The following TBC1D25 variants were observed in gnomAD, a reference collection of about 807,000 sequenced individuals.
TBC1D25 encodes the protein TBC1 domain family member 25.
A neutral mutation model predicts 38.8 loss-of-function variants in TBC1D25; 13 were observed. The observed-to-expected ratio is 0.34, with a 90% CI of 0.22 to 0.53. The LOEUF (loss-of-function observed/expected upper bound fraction) is 0.53. Ranked by LOEUF, TBC1D25 falls within the 20% of genes least tolerant of loss-of-function variation. The probability of loss-of-function intolerance (pLI) is 0.94; values close to 1 mark genes in which losing one functional copy is unlikely to be tolerated. For missense variants in TBC1D25, 372 were observed against 600.0 expected (o/e 0.62, Z 3.97); for synonymous variants, 225 against 255.6 (o/e 0.88, Z 1.14).
Position 48,539,755 on chromosome X carries a change from G to C in TBC1D25, c.-43G>C, listed in dbSNP as rs1293001107. ...GTACAGTAGAGTGTGCGCCGGGGTG[G>C]GGGGCAACGGTCAGCCGTCACCCTG... On this transcript the variant is annotated 5_prime_UTR_variant, in exon 1 of 6. Coordinates refer to ENST00000376771, the MANE Select transcript of TBC1D25 (RefSeq NM_002536.4). The C allele has an allele frequency of 8.5e-6, 8 of 945,019 alleles. No homozygotes were observed. Among genetic ancestry groups the C allele is most frequent in the Non-Finnish European group, 1.1e-5 (8 of 759,105 alleles). The allele number at this position is 945,019 out of a possible 1,213,427, so 77.9% of individuals were successfully genotyped here.
intron 2 of TBC1D25, among the ~76,000 whole-genome samples, chrX:48,542,593 T>G (rs1341552902): frequency 1.9e-5 from 2 of 107,328 alleles, no homozygotes; most frequent in East Asian, 5.8e-4. Flanking sequence ...GTTCAAGTGA[T>G]TCTCATGCCT....
intron 1 of TBC1D25, among the ~76,000 whole-genome samples, chrX:48,541,031 T>C (rs1235560664): frequency 1.3e-4 from 15 of 111,921 alleles, no homozygotes; most frequent in African/African-American, 4.2e-4. Context: ...ATTGAAGAGA[T>C]TGAAGCAGGG....
At chrX:48,541,147 A>G (rs1239796922) in intron 1 of TBC1D25, 186 bp from the exon 2 acceptor site, 3 of 458,440 alleles carry the variant, frequency 6.5e-6, no homozygotes, top group Non-Finnish European at 1.2e-5. Flanking sequence ...TTGAAGGGAT[A>G]TAGAAGAAGG....
In TBC1D25 at chrX:48,552,217, C is replaced by T. The variant is rs544519222; in HGVS notation, c.389-6680C>T. 6.3e-5 allele frequency among the ~76,000 whole-genome samples: 7 copies of T among 111,095 alleles called. No individual in the cohort carries two copies. The East Asian group carries it at 1.4e-3, about 23-fold the overall frequency. Reference sequence around the variant, plus strand: ...TTTTTTTCTTTTTGACACGTAGTCTCGCTCTGTCGCCCAGACTGGAGTGCA... The same window carrying T: ...TTTTTTTCTTTTTGACACGTAGTCTTGCTCTGTCGCCCAGACTGGAGTGCA... On this transcript the variant is annotated intron_variant, in intron 3 of 5. Coordinates refer to ENST00000376771, the MANE Select transcript of TBC1D25 (RefSeq NM_002536.4).
rs782662022 is a variant in TBC1D25 at position 48,560,162 on chromosome X, C to T, written c.1254C>T (p.Phe418=). 3 of 1,208,038 alleles carry T rather than the reference C, an allele frequency of 2.5e-6. No individual in the cohort carries two copies. The highest frequency in any genetic ancestry group is 3.0e-5 in the East Asian group (1 of 33,690). ...TGCTGCTGGAACTCAAGCGTGAGTT[C>T]GCCTTCGACGATGCCCTCCGCATGC... ...RWLLLELKRE[F]AFDDALRMLE... is the part of the protein sequence containing the mutation. The change falls in exon 6 of 6, where the codon TTC becomes TTT. Residue 418 remains phenylalanine (F), a synonymous_variant. Coordinates refer to ENST00000376771, the MANE Select transcript of TBC1D25 (RefSeq NM_002536.4).
rs782080177 is a variant in TBC1D25, at chrX:48,544,918, G to A, written c.283G>A (p.Glu95Lys). Residue 95 changes from glutamate to lysine, a missense_variant, in exon 3 of 6, where the codon GAA (glutamate) becomes AAA (lysine). This residue lies in a region of TBC1D25 where 312 missense variants were observed against 549.3 expected (regional missense o/e 0.57). Coordinates refer to ENST00000376771, the MANE Select transcript of TBC1D25 (RefSeq NM_002536.4). ...SYLGRDRLGQ[E>K]VYLSLLSDWD... ...CCTGGGCCGGGACCGGCTAGGACAG[G>A]AAGTTTACCTCTCACTTCTATCTGA... The A allele has an allele frequency of 1.7e-6, 2 of 1,212,049 alleles. No individual in the cohort carries two copies. The highest frequency in any genetic ancestry group is 2.2e-6 in the Non-Finnish European group (2 of 895,565).
intron 3 of TBC1D25, among the ~76,000 whole-genome samples, chrX:48,557,599 C>T (rs893097474): frequency 2.8e-4 from 30 of 107,618 alleles, no homozygotes; most frequent in African/African-American, 9.9e-4. Flanking sequence ...GCCGAGATCC[C>T]GTCATTGTAC....
Position 48,561,642 on chromosome X carries a change from G to A in TBC1D25, c.*667G>A, listed in dbSNP as rs920728913. The A allele has an allele frequency of 3.6e-5, 4 of 112,367 alleles. No individual in the cohort carries two copies. Among genetic ancestry groups the A allele is most frequent in the Non-Finnish European group, 7.5e-5 (4 of 53,280 alleles). The allele number at this position is 112,367 out of a possible 1,213,427, so 9.3% of individuals were successfully genotyped here. On this transcript the variant is annotated 3_prime_UTR_variant, in exon 6 of 6. Coordinates refer to ENST00000376771, the MANE Select transcript of TBC1D25 (RefSeq NM_002536.4). ...TTCTAGGATCTTGGCCTCTCTGTGAGGTTTATGCACCAATGCTGGCAGCCC... is the reference window on the plus strand; with the variant it reads ...TTCTAGGATCTTGGCCTCTCTGTGAAGTTTATGCACCAATGCTGGCAGCCC...
At chrX:48,550,349 C>A (rs915700694) in intron 3 of TBC1D25, among the ~76,000 whole-genome samples, 2 of 112,263 alleles carry the variant, frequency 1.8e-5, no homozygotes, top group Non-Finnish European at 3.8e-5. Context: ...ACGTTTGTCA[C>A]ATATTCAGTT....
In TBC1D25 at chrX:48,561,156, C is replaced by A; in HGVS notation, c.*181C>A. 1 of 464,816 alleles carries A rather than the reference C, an allele frequency of 2.2e-6. No homozygotes were observed. The highest frequency in any genetic ancestry group is 3.5e-6 in the Non-Finnish European group (1 of 286,040). 38.3% of individuals were successfully genotyped at this position (464,816 alleles called of 1,213,427 possible). A position where few individuals can be genotyped will look rare whatever the true frequency, so the allele number is the denominator to read the frequency against. On this transcript the variant is annotated 3_prime_UTR_variant, in exon 6 of 6. Transcript: ENST00000376771. ...CTTTGGCACTGCCCCGCAGAGGCCACGCCTATTTATTCTGTTTCTGTTGTT... is the reference window on the plus strand; with the variant it reads ...CTTTGGCACTGCCCCGCAGAGGCCAAGCCTATTTATTCTGTTTCTGTTGTT...
At chrX:48,547,658 C>T (rs1336530149) in intron 3 of TBC1D25, among the ~76,000 whole-genome samples, 1 of 112,115 alleles carries the variant, frequency 8.9e-6, no homozygotes, top group Non-Finnish European at 1.9e-5. Context: ...CTTTTTAGGC[C>T]AGGCGCCGTG....
intron 3 of TBC1D25, among the ~76,000 whole-genome samples, chrX:48,551,624 C>CT (rs112968271): frequency 3.9e-5 from 4 of 101,757 alleles, no homozygotes; most frequent in African/African-American, 1.5e-4. Context: ...TGCGCCCGGC[C>CT]TTTTTTTTCC....
rs1556979765 is a variant in TBC1D25 at position 48,539,881 on chromosome X, TGAG to T, written c.94_96del (p.Glu32del). 3.1e-6 allele frequency: 3 copies of T among 961,117 alleles called. No individual in the cohort carries two copies. The highest frequency in any genetic ancestry group is 3.9e-6 in the Non-Finnish European group (3 of 764,899). 79.2% of individuals were successfully genotyped at this position (961,117 alleles called of 1,213,427 possible). ...TGGGAGCTCAGGCGGCGGCGGCCGC[TGAG>T]GAGGAGGAGCGAGAGGTGGTGCGGG... On this transcript the variant is annotated inframe_deletion, in exon 1 of 6. Coordinates refer to ENST00000376771, the MANE Select transcript of TBC1D25 (RefSeq NM_002536.4).
In TBC1D25 at chrX:48,541,381, C is replaced by A. The variant is rs782327891; in HGVS notation, c.172C>A (p.Pro58Thr). The A allele has an allele frequency of 2.5e-6, 3 of 1,211,894 alleles. No homozygotes were observed. The highest frequency in any genetic ancestry group is 3.3e-6 in the Non-Finnish European group (3 of 895,556). ...AGAGTTCCGCTCTTTTGCTGTAGAT[C>A]CCCAGATCACCTCGCTCGACGTGTT... Reference protein sequence around the residue: ...PPEFRSFAVDPQITSLDVLQH... With the variant: ...PPEFRSFAVDTQITSLDVLQH... The change falls in exon 2 of 6, where the codon CCC (proline) becomes ACC (threonine). Residue 58 changes from proline (P) to threonine (T), a missense_variant. Coordinates refer to ENST00000376771, the MANE Select transcript of TBC1D25 (RefSeq NM_002536.4).
rs782434904 is a variant in TBC1D25, at chrX:48,559,847, G to A, written c.939G>A (p.Ala313=). 45 of 1,210,151 alleles carry A rather than the reference G, an allele frequency of 3.7e-5. No homozygotes were observed. The highest frequency in any genetic ancestry group is 2.6e-4 in the Admixed American group (12 of 45,816). The change falls in exon 6 of 6, where the codon GCG becomes GCA. Residue 313 remains alanine, a synonymous_variant. Transcript: ENST00000376771. ...CTGAGGATGGCCCACATCTACGGGC[G>A]CTGCACGACCTGCTCACCACCTATG... ...AGPEDGPHLR[A]LHDLLTTYAV...
intron 3 of TBC1D25, among the ~76,000 whole-genome samples, chrX:48,557,409 C>T (rs918827012): frequency 3.6e-5 from 4 of 110,411 alleles, no homozygotes; most frequent in Admixed American, 2.9e-4. Context: ...CTTGGGAGGC[C>T]GAGGCAGGTG....
intron 3 of TBC1D25, among the ~76,000 whole-genome samples, chrX:48,556,826 G>A (rs2061979995): frequency 9.2e-6 from 1 of 108,948 alleles, no homozygotes. Context: ...CAGGGCTGTA[G>A]GAGAGGATCT....
intron 2 of TBC1D25, among the ~76,000 whole-genome samples, chrX:48,543,056 T>C (rs1410286430): frequency 1.8e-5 from 2 of 110,991 alleles, no homozygotes; most frequent in Admixed American, 1.9e-4. Context: ...CATAGGTATG[T>C]ATGTATATGA....
At chrX:48,554,935 G>A (rs1326065762) in intron 3 of TBC1D25, among the ~76,000 whole-genome samples, 2 of 111,926 alleles carry the variant, frequency 1.8e-5, no homozygotes, top group African/African-American at 6.5e-5. Context: ...AGACCATTCT[G>A]GCAGCTGTTG....
Sources: gnomAD v4.1 joint callset for allele counts (sites outside exome capture counted in the v4.1 genomes callset) on GRCh38, gnomAD v4.1.1 for gene constraint, gnomAD v4.1.1 regional missense constraint, MANE v1.5 for transcripts, NCBI Gene and HGNC (gene_info 2026-07-23, HGNC 2026-07-21) for gene names.